PTPRT: variants seen among roughly 807,000 people sequenced by gnomAD.
The protein encoded by PTPRT is protein tyrosine phosphatase receptor type T, also known as receptor-type tyrosine-protein phosphatase T.
PTPRT carries 56 observed loss-of-function variants against 176.8 expected under a neutral mutation model. The ratio of observed to expected loss-of-function variants is 0.32; its 90% CI spans 0.26 to 0.40. The LOEUF (loss-of-function observed/expected upper bound fraction) is 0.40. Among genes scored for constraint, PTPRT ranks in the 10% least tolerant of loss-of-function variants. PTPRT has a pLI of 1.00. For missense variants in PTPRT, 1,540 were observed against 1,908.2 expected (o/e 0.81, Z 3.60); for synonymous variants, 783 against 739.0 (o/e 1.06, Z -0.96).
At chr20:42,592,105 G>A (rs868690379) in intron 7 of PTPRT, among the ~76,000 whole-genome samples, 28 of 148,636 alleles carry the variant, frequency 1.9e-4, no homozygotes, top group South Asian at 4.4e-4. Flanking sequence ...TCAGCCTCCC[G>A]AGTAGCTGGG....
intron 5 of PTPRT, among the ~76,000 whole-genome samples, chr20:42,765,582 G>T (rs1306243171): frequency 6.6e-6 from 1 of 152,028 alleles, no homozygotes; most frequent in Non-Finnish European, 1.5e-5. Context: ...AAACAGAAAA[G>T]AATAGCGATG....
intron 7 of PTPRT, among the ~76,000 whole-genome samples, chr20:42,674,955 T>G (rs2075475192): frequency 6.6e-6 from 1 of 150,826 alleles, no homozygotes; most frequent in Non-Finnish European, 1.5e-5. Flanking sequence ...ACACGAATTC[T>G]GCATTTGCTT....
chr20:42,641,973 G>A (rs532616314), intron 7 of PTPRT, among the ~76,000 whole-genome samples: 43 of 152,316 alleles, frequency 2.8e-4, no homozygotes, highest in African/African-American at 9.6e-4. Context: ...CTAACATGGA[G>A]CTGAGATGGG....
At chr20:42,063,937 T>C in the PTPRT span, 4 of 152,088 alleles carry the variant, frequency 2.6e-5, no homozygotes, top group African/African-American at 9.7e-5. Context: ...TTCTTAAACA[T>C]TGACAATGTA....
chr20:42,378,244 C>T (rs528469980), intron 9 of PTPRT, among the ~76,000 whole-genome samples: 12 of 152,338 alleles, frequency 7.9e-5, no homozygotes, highest in African/African-American at 2.9e-4. Flanking sequence ...CGGGAGGCAC[C>T]AGATAAACAT....
intron 11 of PTPRT, among the ~76,000 whole-genome samples, chr20:42,326,426 C>A (rs775086873): frequency 6.6e-6 from 1 of 152,018 alleles, no homozygotes; most frequent in Admixed American, 6.6e-5. Flanking sequence ...ATGACTAGAC[C>A]TAATATATTG....
At chr20:42,608,924 T>C (rs898316050) in intron 7 of PTPRT, among the ~76,000 whole-genome samples, 1 of 152,094 alleles carries the variant, frequency 6.6e-6, no homozygotes, top group African/African-American at 2.4e-5. Flanking sequence ...ACATTCTTGA[T>C]GGGAAGAGTG....
chr20:42,400,364 G>T (rs552765471), intron 9 of PTPRT, among the ~76,000 whole-genome samples: 3 of 152,036 alleles, frequency 2.0e-5, no homozygotes, highest in Non-Finnish European at 2.9e-5. Flanking sequence ...TATTTTGCTA[G>T]GTCCTATGCT....
chr20:42,567,307 G>GAA lies in PTPRT; in HGVS notation c.1154-94746_1154-94745insTT, dbSNP rs375501614. ...AAAAAATAAAAGAGAGAGAGAGAGA[G>GAA]AGAAAAAAAACGATTTTTAAAATAG... On this transcript the variant is annotated intron_variant, in intron 7 of 30. Transcript: ENST00000373187. 8.6e-3 allele frequency among the ~76,000 whole-genome samples: 1,267 copies of GAA among 147,536 alleles called. 20 individuals carry two copies. Among genetic ancestry groups the GAA allele is most frequent in the African/African-American group, 0.031 (1,212 of 38,956 alleles).
intron 16 of PTPRT, among the ~76,000 whole-genome samples, chr20:42,186,765 G>T (rs1032240649): frequency 6.6e-6 from 1 of 152,060 alleles, no homozygotes; most frequent in Middle Eastern, 3.2e-3. Context: ...ATGGATATGA[G>T]GATTATTTAG....
chr20:42,786,584 C>T (rs2077293905), intron 3 of PTPRT, among the ~76,000 whole-genome samples: 1 of 152,146 alleles, frequency 6.6e-6, no homozygotes, highest in Non-Finnish European at 1.5e-5. Flanking sequence ...AGGGTGTGAA[C>T]ATAGGGGGTA....
At chr20:42,834,900 G>C (rs2078155119) in intron 2 of PTPRT, among the ~76,000 whole-genome samples, 2 of 152,098 alleles carry the variant, frequency 1.3e-5, no homozygotes, top group Admixed American at 1.3e-4. Context: ...TTTATATCCA[G>C]CCAAACTGTC....
intron 9 of PTPRT, among the ~76,000 whole-genome samples, chr20:42,429,194 C>A (rs1047672414): frequency 5.9e-5 from 9 of 152,052 alleles, no homozygotes; most frequent in South Asian, 2.1e-4. Flanking sequence ...AGGGCTGAGA[C>A]AAAATGCATG....
intron 9 of PTPRT, among the ~76,000 whole-genome samples, chr20:42,366,494 G>A (rs41448645): frequency 0.071 from 10,758 of 152,230 alleles, 396 homozygotes; most frequent in Middle Eastern, 0.11. Flanking sequence ...TGGCTCCCAA[G>A]AAGCTCTACC....
intron 1 of PTPRT, among the ~76,000 whole-genome samples, chr20:42,922,489 G>C (rs534375314): frequency 3.3e-4 from 50 of 152,300 alleles, no homozygotes; most frequent in African/African-American, 9.4e-4. Context: ...TGGATGTCCA[G>C]TAGACATCTC....
intron 1 of PTPRT, among the ~76,000 whole-genome samples, chr20:42,973,938 C>T (rs543225946): frequency 8.5e-5 from 13 of 152,254 alleles, no homozygotes; most frequent in African/African-American, 2.9e-4. Flanking sequence ...CTAATCAGGA[C>T]GGTGATTCCT....
intron 1 of PTPRT, among the ~76,000 whole-genome samples, chr20:43,092,021 G>A (rs1016505775): frequency 6.6e-6 from 1 of 152,306 alleles, no homozygotes; most frequent in Non-Finnish European, 1.5e-5. Flanking sequence ...GATGGGGTAC[G>A]GTTCTCACTG....
chr20:42,768,259 G>A (rs6072865), intron 5 of PTPRT, among the ~76,000 whole-genome samples: 25,765 of 152,112 alleles, frequency 0.17, 2,295 homozygotes, highest in African/African-American at 0.19. Flanking sequence ...CCAGGATGGA[G>A]ACAGATTGGC....
intron 1 of PTPRT, among the ~76,000 whole-genome samples, chr20:43,111,783 T>C (rs2012878999): frequency 6.6e-6 from 1 of 152,278 alleles, no homozygotes; most frequent in Admixed American, 6.5e-5. Context: ...GACTCAAAAT[T>C]AATCACCTTT....
Sources: allele counts gnomAD v4.1 joint callset (sites outside exome capture counted in the v4.1 genomes callset), GRCh38; gene constraint gnomAD v4.1.1; transcripts MANE v1.5; gene names NCBI Gene and HGNC (gene_info 2026-07-23, HGNC 2026-07-21).